KIF18A: variants seen among roughly 807,000 people sequenced by gnomAD.
KIF18A encodes kinesin family member 18A.
In KIF18A, 67 loss-of-function variants were observed where a neutral mutation model predicts 103.3. The ratio of observed to expected loss-of-function variants is 0.65; its 90% confidence interval spans 0.53 to 0.79. KIF18A has a LOEUF of 0.79. Among genes scored for constraint, KIF18A ranks in the 30% least tolerant of loss-of-function variants. The pLI, the probability that KIF18A is intolerant of heterozygous loss-of-function variation, is 0.00. For missense variants in KIF18A, 1,032 were observed against 1,062.5 expected, an observed-to-expected ratio of 0.97 and a Z score of 0.40; for synonymous variants, 367 against 355.5, an observed-to-expected ratio of 1.03 and a Z score of -0.36.
chr11:28,076,944 A>G (rs1447565690), intron 10 of KIF18A, 63 bp downstream of exon 10: 1 of 847,210 alleles, frequency 1.2e-6, no homozygotes, highest in Non-Finnish European at 1.7e-6. Flanking sequence ...TGAAAAAAAA[A>G]AAAAAAAAAA....
chr11:28,037,899 G>A (rs1184419152), intron 13 of KIF18A, among the ~76,000 whole-genome samples: 1 of 151,162 alleles, frequency 6.6e-6, no homozygotes, highest in Non-Finnish European at 1.5e-5. Context: ...TTTCCCTAAG[G>A]AGCTGTACTT....
intron 15 of KIF18A, among the ~76,000 whole-genome samples, chr11:28,035,103 C>T (rs1850467121): frequency 6.6e-6 from 1 of 151,438 alleles, no homozygotes; most frequent in African/African-American, 2.4e-5. Context: ...AAAATTGTCA[C>T]CCCAGAAAAG....
chr11:28,045,859 C>A (rs1278565993), intron 13 of KIF18A, among the ~76,000 whole-genome samples: 1 of 151,874 alleles, frequency 6.6e-6, no homozygotes, highest in East Asian at 1.9e-4. Flanking sequence ...AAGAAAAAAA[C>A]AACCCCATCA....
intron 6 of KIF18A, among the ~76,000 whole-genome samples, chr11:28,085,159 G>A (rs1851210973): frequency 6.6e-6 from 1 of 152,174 alleles, no homozygotes; most frequent in African/African-American, 2.4e-5. Context: ...GGCAAGAGGT[G>A]AGCCTTCTGT....
At chr11:28,083,828 C>T (rs1851195556) in intron 7 of KIF18A, among the ~76,000 whole-genome samples, 1 of 152,044 alleles carries the variant, frequency 6.6e-6, no homozygotes, top group African/African-American at 2.4e-5. Context: ...CCTTTCTGTA[C>T]ACCCATATAG....
intron 15 of KIF18A, among the ~76,000 whole-genome samples, chr11:28,033,336 G>A (rs1410032401): frequency 2.0e-5 from 3 of 151,418 alleles, no homozygotes; most frequent in Non-Finnish European, 4.4e-5. Flanking sequence ...GCTACCATAC[G>A]ATCCAGCAAT....
At chr11:28,038,844 A>G (rs555315437) in intron 13 of KIF18A, among the ~76,000 whole-genome samples, 1 of 151,892 alleles carries the variant, frequency 6.6e-6, no homozygotes, top group Non-Finnish European at 1.5e-5. Context: ...ACATTTGTCA[A>G]ATTTTCCATT....
At chr11:28,026,699 A>C (rs1257345707) in intron 15 of KIF18A, among the ~76,000 whole-genome samples, 2 of 151,842 alleles carry the variant, frequency 1.3e-5, no homozygotes, top group African/African-American at 4.8e-5. Flanking sequence ...CATATTTAAA[A>C]ATTATTCTTA....
At chr11:28,048,379 A>G (rs935653618) in intron 13 of KIF18A, among the ~76,000 whole-genome samples, 1 of 152,140 alleles carries the variant, frequency 6.6e-6, no homozygotes, top group Non-Finnish European at 1.5e-5. Context: ...GTTAATTAGC[A>G]GGAGATTAGG....
intron 13 of KIF18A, among the ~76,000 whole-genome samples, chr11:28,041,993 G>A (rs1850566749): frequency 6.6e-6 from 1 of 151,052 alleles, no homozygotes; most frequent in African/African-American, 2.4e-5. Flanking sequence ...TTGGGATCCT[G>A]TCCTCTATTC....
intron 3 of KIF18A, among the ~76,000 whole-genome samples, chr11:28,093,408 A>G (rs1023656155): frequency 2.6e-5 from 4 of 152,186 alleles, no homozygotes; most frequent in Non-Finnish European, 5.9e-5. Flanking sequence ...GATGTTAATA[A>G]GAGAGAAATT....
rs150132905 is a variant in KIF18A at position 28,045,532 on chromosome 11, C to G, written c.1949-8868G>C. ...TATAAAATATTTCCTTAAGTAGGCT[C>G]TAAATGTTACACATATTAACATATG... On this transcript the variant is annotated intron_variant, in intron 13 of 16. Transcript: ENST00000263181. Among the ~76,000 whole-genome samples the G allele has an allele frequency of 1.6e-3, 249 of 151,750 alleles. 2 individuals are homozygous for G. Among genetic ancestry groups the G allele is most frequent in the African/African-American group, 5.7e-3 (235 of 41,424 alleles).
At chr11:28,081,241 A>G (rs1010038365) in intron 9 of KIF18A, among the ~76,000 whole-genome samples, 4 of 152,204 alleles carry the variant, frequency 2.6e-5, no homozygotes, top group African/African-American at 4.8e-5. Flanking sequence ...AGGTGGCTAC[A>G]CTAAACAACA....
Position 28,088,677 on chromosome 11 carries a change from A to AT in KIF18A, c.743dup (p.Asn248LysfsTer11). On this transcript the variant is annotated frameshift_variant, in exon 6 of 17. Transcript: ENST00000263181. LOFTEE classifies it high-confidence loss of function. ...TGAGTGACATCTTGGCAATACGGAC[A>AT]TTTTGATTGATACTTGCTGTTTTGT... is the stretch of plus-strand genomic sequence containing the variant. The AT allele has an allele frequency of 6.2e-7, 1 of 1,614,066 alleles. No individual in the cohort carries two copies. Among genetic ancestry groups the AT allele is most frequent in the Non-Finnish European group, 8.5e-7 (1 of 1,179,942 alleles).
At chr11:28,095,383 C>G (rs2133563830) in intron 2 of KIF18A, among the ~76,000 whole-genome samples, 1 of 152,332 alleles carries the variant, frequency 6.6e-6, no homozygotes, top group Non-Finnish European at 1.5e-5. Context: ...TCTAAATGCT[C>G]AGCACAAATA....
At chr11:28,026,621 C>T (rs139907949) in intron 15 of KIF18A, among the ~76,000 whole-genome samples, 132 of 151,852 alleles carry the variant, frequency 8.7e-4, no homozygotes, top group Middle Eastern at 3.4e-3. Flanking sequence ...TCTAAAATCA[C>T]TCCAAATACA....
At chr11:28,035,982 C>A (rs1216714557) in intron 14 of KIF18A, among the ~76,000 whole-genome samples, 1 of 151,430 alleles carries the variant, frequency 6.6e-6, no homozygotes, top group Non-Finnish European at 1.5e-5. Context: ...CTAAACATAT[C>A]TTAAGGTCTC....
At position 28,059,076 on chromosome 11, in the gene KIF18A, C is replaced by G; in HGVS notation, c.1798G>C (p.Asp600His). 1 of 1,613,982 alleles carries G rather than the reference C, an allele frequency of 6.2e-7. No individual in the cohort carries two copies. Among genetic ancestry groups the G allele is most frequent in the Non-Finnish European group, 8.5e-7 (1 of 1,179,952 alleles). The change falls in exon 13 of 17, where the codon GAC becomes CAC. Residue 600 changes from aspartate to histidine, a missense_variant. Asp to His is a moderately conservative substitution (Grantham distance 81). Transcript: ENST00000263181. ...AGLSNAAFES[D>H]FKEIEHLVER... The stretch of plus-strand genomic sequence containing the variant: ...ACCAAATGTTCGATCTCTTTGAAGT[C>G]AGATTCAAAAGCAGCATTTGACAGG...
rs769672440 is a variant in KIF18A at position 28,056,231 on chromosome 11, T to C, written c.1948+2695A>G. On this transcript the variant is annotated intron_variant, in intron 13 of 16. Transcript: ENST00000263181. ...CCCATGGAATATGGATGGCTGACTA[T>C]AATTATACCCTTTGTGCTTAATAAC... 2.6e-5 allele frequency among the ~76,000 whole-genome samples: 4 copies of C among 151,570 alleles called. No homozygotes were observed. The South Asian group carries it at 6.2e-4, about 24-fold the overall frequency.
Sources: allele counts gnomAD v4.1 joint callset (sites outside exome capture counted in the v4.1 genomes callset), GRCh38; gene constraint gnomAD v4.1.1; transcripts MANE v1.5; gene names NCBI Gene and HGNC (gene_info 2026-07-23, HGNC 2026-07-21).